The following COL28A1 variants were observed in gnomAD, a reference collection of about 807,000 sequenced individuals.
COL28A1 encodes collagen type XXVIII alpha 1 chain.
A neutral mutation model predicts 150.2 loss-of-function variants in COL28A1; 161 were observed. The ratio of observed to expected loss-of-function variants is 1.07; its 90% CI spans 0.94 to 1.22. The LOEUF (loss-of-function observed/expected upper bound fraction) is 1.22, where lower values mean the gene tolerates loss of function less well. Among genes scored for constraint, COL28A1 ranks in the 50% most tolerant of loss-of-function variants. The probability of loss-of-function intolerance (pLI) is 0.00; values close to 1 mark genes in which losing one functional copy is unlikely to be tolerated. For missense variants in COL28A1, 1,617 were observed against 1,388.3 expected, an observed-to-expected ratio of 1.16 and a Z score of -2.62; for synonymous variants, 552 against 469.7, an observed-to-expected ratio of 1.18 and a Z score of -2.26.
At chr7:7,459,451 A>T (rs1412103663) in intron 15 of COL28A1, among the ~76,000 whole-genome samples, 1 of 152,248 alleles carries the variant, frequency 6.6e-6, no homozygotes, top group Non-Finnish European at 1.5e-5. Flanking sequence ...TCAAGATTGA[A>T]ACCCAGCACT....
chr7:7,520,043 A>C lies in COL28A1; in HGVS notation c.813+19T>G. ...GAAGGAGATACGCTGGTTTAAAGAA[A>C]AGCTGTTTATTCATTTACCGGGTTT... On this transcript the variant is annotated intron_variant, in intron 6 of 34. Transcript: ENST00000399429. 1.7e-6 allele frequency: 2 copies of C among 1,178,694 alleles called. No homozygotes were observed. The highest frequency in any genetic ancestry group is 2.5e-6 in the Non-Finnish European group (2 of 787,414). 73.0% of individuals were successfully genotyped at this position (1,178,694 alleles called of 1,614,324 possible).
rs1157642884 is a variant in COL28A1, at chr7:7,373,689, G to C, written c.2360-143C>G. On this transcript the variant is annotated intron_variant, in intron 31 of 34. Coordinates refer to ENST00000399429, the MANE Select transcript of COL28A1 (RefSeq NM_001037763.3). This position sits in a 1 kb window ranked among gnomAD's most constrained non-coding sequence, Gnocchi z 4.1. ...GTGATTGTGAAAATACCTGACAGCT[G>C]TCTCCATTCTGGTTTCTTTTTTTTT... The C allele has an allele frequency of 1.5e-6, 1 of 678,464 alleles. No individual in the cohort carries two copies. Among genetic ancestry groups the C allele is most frequent in the African/African-American group, 1.9e-5 (1 of 53,158 alleles). 42.0% of individuals were successfully genotyped at this position (678,464 alleles called of 1,614,324 possible).
At chr7:7,441,853 T>C (rs1785818410) in intron 20 of COL28A1, among the ~76,000 whole-genome samples, 1 of 152,152 alleles carries the variant, frequency 6.6e-6, no homozygotes, top group African/African-American at 2.4e-5. Flanking sequence ...CACAGAGGTT[T>C]CCATGGTCCA....
rs73674525 is a variant in COL28A1 at position 7,404,067 on chromosome 7, T to C, written c.2136+13792A>G. 6.3e-3 allele frequency among the ~76,000 whole-genome samples: 954 copies of C among 152,264 alleles called. 9 individuals are homozygous for C. The highest frequency in any genetic ancestry group is 0.022 in the African/African-American group (898 of 41,538). ...AGAGTCACAGTCATTTTTTTTTAATTGCACATCAATCTTTTATTAGACCGA... is the reference window on the plus strand; with the variant it reads ...AGAGTCACAGTCATTTTTTTTTAATCGCACATCAATCTTTTATTAGACCGA... On this transcript the variant is annotated intron_variant, in intron 27 of 34. Coordinates refer to ENST00000399429, the MANE Select transcript of COL28A1 (RefSeq NM_001037763.3).
chr7:7,465,369 T>C (rs375144238), intron 15 of COL28A1, among the ~76,000 whole-genome samples: 3,311 of 139,542 alleles, frequency 0.024, 119 homozygotes, highest in African/African-American at 0.079. Flanking sequence ...ATCGGGTCAC[T>C]CCCACCCGAA....
chr7:7,381,603 C>A lies in COL28A1; in HGVS notation c.2146G>T (p.Gly716Ter). 3.7e-6 allele frequency: 6 copies of A among 1,612,992 alleles called. No homozygotes were observed. In the African/African-American group the frequency reaches 5.3e-5, roughly 14 times the overall value. The part of the protein sequence containing the change: ...YGSQGIKGEQ[G>*]PQGFPGPKGT... Reference sequence around the variant, plus strand: ...TTTGGGCCTGGGAAGCCTTGTGGTCCTTGTTCCCCCTACATAGGATATGAG... The same window carrying A: ...TTTGGGCCTGGGAAGCCTTGTGGTCATTGTTCCCCCTACATAGGATATGAG... The change falls in exon 28 of 35, where the codon GGA (glycine) becomes TGA (stop). Residue 716 changes from glycine (G) to a stop codon, truncating the protein, a stop_gained. Coordinates refer to ENST00000399429, the MANE Select transcript of COL28A1 (RefSeq NM_001037763.3). LOFTEE classifies it high-confidence loss of function.
At chr7:7,538,724 G>C (rs1266186467), upstream of COL28A1, among the ~76,000 whole-genome samples, 2 of 151,916 alleles carry the variant, frequency 1.3e-5, no homozygotes, top group Non-Finnish European at 2.9e-5. Context: ...TCTGCATGAA[G>C]TCATAGAAAT....
chr7:7,352,911 G>C (rs1361773843), downstream of COL28A1, among the ~76,000 whole-genome samples: 2 of 152,128 alleles, frequency 1.3e-5, no homozygotes, highest in African/African-American at 4.8e-5. Flanking sequence ...CTTAGTGTTG[G>C]GAGTGAGTGG....
intron 25 of COL28A1, among the ~76,000 whole-genome samples, chr7:7,425,000 AGAG>A (rs1365210141): frequency 1.3e-5 from 2 of 152,176 alleles, no homozygotes; most frequent in South Asian, 2.1e-4. Context: ...GAAAGAAGAA[AGAG>A]GAGAGCAAAC....
intron 25 of COL28A1, among the ~76,000 whole-genome samples, chr7:7,429,469 TGTG>T (rs1784827263): frequency 7.8e-6 from 1 of 128,290 alleles, no homozygotes; most frequent in Non-Finnish European, 1.6e-5. Flanking sequence ...TCTGTGTGTG[TGTG>T]TGGGGGGGGG....
chr7:7,434,391 T>G (rs1463337284), intron 23 of COL28A1, among the ~76,000 whole-genome samples: 3 of 152,184 alleles, frequency 2.0e-5, no homozygotes, highest in African/African-American at 7.2e-5. Flanking sequence ...TCTAAACATC[T>G]GCATATGAAA....
the COL28A1 span, among the ~76,000 whole-genome samples, chr7:7,348,664 CTCT>C: frequency 6.6e-6 from 1 of 151,060 alleles, no homozygotes; most frequent in South Asian, 2.1e-4. Context: ...TTATTATTCG[CTCT>C]TCTTTTCTCA....
rs779213896 is a variant in COL28A1, at chr7:7,437,429, G to A, written c.1756C>T (p.Pro586Ser). The A allele has an allele frequency of 1.9e-6, 3 of 1,613,336 alleles. No homozygotes were observed. Among genetic ancestry groups the A allele is most frequent in the Admixed American group, 1.7e-5 (1 of 59,920 alleles). The change falls in exon 22 of 35, where the codon CCT becomes TCT. Residue 586 changes from proline (P) to serine (S), a missense_variant. By Grantham distance (74) the Pro-to-Ser change is moderately conservative. Coordinates refer to ENST00000399429, the MANE Select transcript of COL28A1 (RefSeq NM_001037763.3). ...EPGIMGPFGMPGTSIPGPPGP... is the reference protein window; with the variant it reads ...EPGIMGPFGMSGTSIPGPPGP... ...GGTGGTCCAGGAATTGATGTTCCAG[G>A]CATTCCAAAAGGGCCCATAATGCCC...
chr7:7,438,902 T>C (rs142708760), intron 21 of COL28A1, among the ~76,000 whole-genome samples: 22 of 152,164 alleles, frequency 1.4e-4, no homozygotes, highest in African/African-American at 5.3e-4. Context: ...TAACTAAATA[T>C]CTTCCATTTT....
chr7:7,443,423 C>T (rs190310220), intron 20 of COL28A1, among the ~76,000 whole-genome samples, 162 bp downstream of exon 20: 3 of 152,206 alleles, frequency 2.0e-5, no homozygotes, highest in African/African-American at 4.8e-5. Flanking sequence ...GAATCATATA[C>T]GCTTGCTGTC....
At chr7:7,352,278 G>T (rs1391291601), downstream of COL28A1, among the ~76,000 whole-genome samples, 2 of 152,160 alleles carry the variant, frequency 1.3e-5, no homozygotes, top group Non-Finnish European at 2.9e-5. Flanking sequence ...AACAAGGCAT[G>T]TCTTCGCTCT....
At chr7:7,394,265 C>T in intron 27 of COL28A1, among the ~76,000 whole-genome samples, 1 of 152,250 alleles carries the variant, frequency 6.6e-6, no homozygotes, top group Admixed American at 6.5e-5. Flanking sequence ...GTGCTGCCCC[C>T]ACTGTCTAAC....
chr7:7,480,992 G>C (rs1348444376), intron 13 of COL28A1, among the ~76,000 whole-genome samples: 1 of 152,212 alleles, frequency 6.6e-6, no homozygotes, highest in Non-Finnish European at 1.5e-5. Context: ...ATCTTTTACA[G>C]ATTAAGCACT....
rs190799310 is a variant in COL28A1 at position 7,369,564 on chromosome 7, T to A, written c.3066+1161A>T. On this transcript the variant is annotated intron_variant, in intron 33 of 34. Transcript: ENST00000399429. Reference sequence around the variant, plus strand: ...TCAATCTGCAATTTAGTAGAATCTATTGCCCTGACTGGAATTACCCATTTT... The same window carrying A: ...TCAATCTGCAATTTAGTAGAATCTAATGCCCTGACTGGAATTACCCATTTT... Among the ~76,000 whole-genome samples, 31 of 152,360 alleles carry A rather than the reference T, an allele frequency of 2.0e-4. 2 individuals carry two copies. The East Asian group carries it at 6.0e-3, about 29-fold the overall frequency.
Sources: gnomAD v4.1 joint callset for allele counts (sites outside exome capture counted in the v4.1 genomes callset) on GRCh38, gnomAD v4.1.1 for gene constraint, Gnocchi (gnomAD v3.1) non-coding constraint, MANE v1.5 for transcripts, NCBI Gene and HGNC (gene_info 2026-07-23, HGNC 2026-07-21) for gene names.